The following PARD6B variants were observed in gnomAD, a reference collection of about 807,000 sequenced individuals.
PARD6B encodes the protein partitioning defective 6 homolog beta.
PARD6B carries 4 observed loss-of-function variants against 10.5 expected under a neutral mutation model. The ratio of observed to expected loss-of-function variants is 0.38; its 90% CI spans 0.19 to 0.87. PARD6B has a LOEUF of 0.87. Ranked by LOEUF, PARD6B falls within the 40% of genes least tolerant of loss-of-function variation. The probability of loss-of-function intolerance (pLI) is 0.41; values close to 1 mark genes in which losing one functional copy is unlikely to be tolerated. For synonymous variants in PARD6B, 169 were observed against 170.4 expected (o/e 0.99, Z 0.07); for missense variants, 396 against 470.6 (o/e 0.84, Z 1.47).
chr20:50,736,470 A>G (rs996141933), intron 1 of PARD6B, among the ~76,000 whole-genome samples: 1 of 152,192 alleles, frequency 6.6e-6, no homozygotes, highest in Admixed American at 6.5e-5. Context: ...ATATTTTTAA[A>G]AACCAACATA....
intron 2 of PARD6B, among the ~76,000 whole-genome samples, chr20:50,738,433 G>A (rs2087511841): frequency 6.6e-6 from 1 of 152,210 alleles, no homozygotes; most frequent in Admixed American, 6.5e-5. Flanking sequence ...AAAAGAGTGT[G>A]ACTTTGGAAT....
chr20:50,747,256 G>A (rs1158925643), intron 2 of PARD6B, among the ~76,000 whole-genome samples: 2 of 152,096 alleles, frequency 1.3e-5, no homozygotes, highest in Non-Finnish European at 2.9e-5. Context: ...AACTTACGTT[G>A]TACCCTTAAT....
chr20:50,738,655 T>C (rs1293098147), intron 2 of PARD6B, among the ~76,000 whole-genome samples: 1 of 152,226 alleles, frequency 6.6e-6, no homozygotes, highest in African/African-American at 2.4e-5. Flanking sequence ...ACTTTCTTTC[T>C]TTTACTTTTA....
In PARD6B at chr20:50,749,893, A is replaced by G; in HGVS notation, c.524A>G (p.Asp175Gly). The stretch of plus-strand genomic sequence containing the variant: ...AAACCCCTAGGATTCTACATCCGGG[A>G]TGGCTCCAGTGTCAGGGTAACACCA... ...TEKPLGFYIR[D>G]GSSVRVTPHG... The change falls in exon 3 of 3, where the codon GAT becomes GGT. Residue 175 changes from aspartate to glycine, a missense_variant. Coordinates refer to ENST00000371610, the MANE Select transcript of PARD6B (RefSeq NM_032521.3). 6.2e-7 allele frequency: 1 copy of G among 1,614,228 alleles called. No individual in the cohort carries two copies. The highest frequency in any genetic ancestry group is 8.5e-7 in the Non-Finnish European group (1 of 1,180,038).
At chr20:50,744,684 T>C (rs1322405621) in intron 2 of PARD6B, among the ~76,000 whole-genome samples, 1 of 150,748 alleles carries the variant, frequency 6.6e-6, no homozygotes, top group East Asian at 2.0e-4. Context: ...TCTAGCTGTA[T>C]TGGATTTCTT....
In PARD6B at chr20:50,749,693, G is replaced by T; in HGVS notation, c.324G>T (p.Thr108=). 1 of 1,610,232 alleles carries T rather than the reference G, an allele frequency of 6.2e-7. No homozygotes were observed. The highest frequency in any genetic ancestry group is 8.5e-7 in the Non-Finnish European group (1 of 1,178,918). Reference sequence around the variant, plus strand: ...ACTACAGTGCCTTTGGTACAGACACGCTAATAAAGAAGAAGAATGTTTTAA... The same window carrying T: ...ACTACAGTGCCTTTGGTACAGACACTCTAATAAAGAAGAAGAATGTTTTAA... ...EADYSAFGTD[T]LIKKKNVLTN... The change falls in exon 3 of 3, where the codon ACG becomes ACT. Residue 108 remains threonine, a synonymous_variant. Transcript: ENST00000371610.
chr20:50,744,105 C>CTTTTTTTTTTTT (rs753435244), intron 2 of PARD6B, among the ~76,000 whole-genome samples: 1 of 77,808 alleles, frequency 1.3e-5, no homozygotes, highest in African/African-American at 5.1e-5. Context: ...GAAGTAGCTT[C>CTTTTTTTTTTTT]TTTTTTTTTT....
intron 1 of PARD6B, among the ~76,000 whole-genome samples, chr20:50,733,322 G>T (rs1233815336): frequency 2.0e-5 from 3 of 152,160 alleles, no homozygotes; most frequent in Non-Finnish European, 4.4e-5. Context: ...TACTTGAGAG[G>T]CTGAGGCAGG....
chr20:50,750,954 ATTTTTTTTTTTTTTT>A lies in PARD6B; in HGVS notation c.*484_*498del, dbSNP rs565068464. The A allele has an allele frequency of 0.06, 22,971 of 384,744 alleles. 63 individuals are homozygous for A. The highest frequency in any genetic ancestry group is 0.069 in the Middle Eastern group (42 of 610). 23.8% of individuals were successfully genotyped at this position (384,744 alleles called of 1,614,324 possible). On this transcript the variant is annotated 3_prime_UTR_variant, in exon 3 of 3. Coordinates refer to ENST00000371610, the MANE Select transcript of PARD6B (RefSeq NM_032521.3). Reference sequence around the variant, plus strand: ...CTCATGTTCCCAATATTTTATTTTGATTTTTTTTTTTTTTTTTTTTTTTTTTTTTTTTAGTGACTG... The same window carrying A: ...CTCATGTTCCCAATATTTTATTTTGATTTTTTTTTTTTTTTTTAGTGACTG...
chr20:50,735,032 C>T (rs1263687332), intron 1 of PARD6B, among the ~76,000 whole-genome samples: 1 of 152,136 alleles, frequency 6.6e-6, no homozygotes, highest in East Asian at 1.9e-4. Context: ...TGCCTGTAAT[C>T]CCAGCTACTC....
At chr20:50,749,326 G>T (rs1048210295) in intron 2 of PARD6B, among the ~76,000 whole-genome samples, 2 of 135,794 alleles carry the variant, frequency 1.5e-5, no homozygotes, top group Admixed American at 1.6e-4. Flanking sequence ...CTGGTCGACA[G>T]AGCGAGACTC....
intron 1 of PARD6B, 30 bp downstream of exon 1, chr20:50,731,882 C>T (rs1427552206): frequency 1.4e-6 from 2 of 1,407,736 alleles, no homozygotes; most frequent in South Asian, 1.5e-5. Context: ...GGCGGAGCGG[C>T]GGGCCTGGGG....
intron 2 of PARD6B, 50 bp from the exon 3 acceptor site, chr20:50,749,609 T>C (rs2087588206): frequency 1.4e-6 from 2 of 1,438,626 alleles, no homozygotes; most frequent in Non-Finnish European, 1.9e-6. Flanking sequence ...TGCAAGTGAA[T>C]AGATATTTTT....
intron 1 of PARD6B, among the ~76,000 whole-genome samples, chr20:50,733,339 G>C (rs2087482513): frequency 6.6e-6 from 1 of 152,134 alleles, no homozygotes; most frequent in South Asian, 2.1e-4. Context: ...CAGGAGAATC[G>C]CTTGAATCCG....
At position 50,738,090 on chromosome 20, in the gene PARD6B, C is replaced by T; in HGVS notation, c.289+11C>T. ...TTATACAAAAGAAGGGTAAGTATCA[C>T]TGTTTAGAAAAATTGTGTTAGAAAT... is the stretch of plus-strand genomic sequence containing the variant. On this transcript the variant is annotated intron_variant, in intron 2 of 2. Coordinates refer to ENST00000371610, the MANE Select transcript of PARD6B (RefSeq NM_032521.3). 6.5e-7 allele frequency: 1 copy of T among 1,544,292 alleles called. No individual in the cohort carries two copies. Among genetic ancestry groups the T allele is most frequent in the African/African-American group, 1.4e-5 (1 of 72,318 alleles).
intron 1 of PARD6B, among the ~76,000 whole-genome samples, chr20:50,734,918 G>A (rs946703376): frequency 2.6e-5 from 4 of 152,166 alleles, no homozygotes; most frequent in African/African-American, 9.7e-5. Context: ...GGGAGGGCAA[G>A]GTGGGCGGAT....
Position 50,750,408 on chromosome 20 carries a change from A to G in PARD6B, c.1039A>G (p.Ser347Gly), listed in dbSNP as rs2087595813. The G allele has an allele frequency of 6.2e-7, 1 of 1,614,236 alleles. No homozygotes were observed. Among genetic ancestry groups the G allele is most frequent in the South Asian group, 1.1e-5 (1 of 91,086 alleles). ...TGAAGTGAGCTTAGCAGCCATAGCA[A>G]GCAGCTCAAACACGGAATTTGAAAC... is the stretch of plus-strand genomic sequence containing the variant. Reference protein sequence around the residue: ...SNEVSLAAIASSSNTEFETHA... With the variant: ...SNEVSLAAIAGSSNTEFETHA... Residue 347 changes from serine (S) to glycine (G), a missense_variant, in exon 3 of 3, where the codon AGC (serine) becomes GGC (glycine). Physicochemically the swap from Ser to Gly is moderately conservative, Grantham distance 56 (BLOSUM62 0). This residue lies in a region of PARD6B where 188 missense variants were observed against 169.7 expected (regional missense o/e 1.11). Coordinates refer to ENST00000371610, the MANE Select transcript of PARD6B (RefSeq NM_032521.3).
At chr20:50,748,819 A>G (rs1375395300) in intron 2 of PARD6B, among the ~76,000 whole-genome samples, 1 of 152,116 alleles carries the variant, frequency 6.6e-6, no homozygotes, top group Non-Finnish European at 1.5e-5. Context: ...ACCACGCCCA[A>G]CCACATTACA....
rs1468198595 is a variant in PARD6B at position 50,753,137 on chromosome 20, T to A, written c.*2649T>A. 4 of 985,232 alleles carry A rather than the reference T, an allele frequency of 4.1e-6. No homozygotes were observed. Among genetic ancestry groups the A allele is most frequent in the Non-Finnish European group, 4.8e-6 (4 of 829,482 alleles). 61.0% of individuals were successfully genotyped at this position (985,232 alleles called of 1,614,324 possible). ...GGGAAAAACTACTTCAGGGCTTGAC[T>A]TTTTGTACAAATTTTAACTGTAAAA... On this transcript the variant is annotated 3_prime_UTR_variant, in exon 3 of 3. Coordinates refer to ENST00000371610, the MANE Select transcript of PARD6B (RefSeq NM_032521.3).
Sources: gnomAD v4.1 joint callset for allele counts (sites outside exome capture counted in the v4.1 genomes callset) on GRCh38, gnomAD v4.1.1 for gene constraint, gnomAD v4.1.1 regional missense constraint, MANE v1.5 for transcripts, NCBI Gene and HGNC (gene_info 2026-07-23, HGNC 2026-07-21) for gene names.